ADAMTSL1: variants seen among roughly 807,000 people sequenced by gnomAD.
The protein encoded by ADAMTSL1 is ADAMTS-like protein 1.
Under a neutral mutation model 201.8 loss-of-function variants are expected in ADAMTSL1, and 126 were observed. The observed-to-expected ratio is 0.62, with a 90% CI of 0.54 to 0.72. ADAMTSL1 has a LOEUF of 0.72. ADAMTSL1 is among the 30% of genes least tolerant of loss of function. The pLI is 0.00. For missense variants in ADAMTSL1, 2,679 were observed against 2,277.8 expected (o/e 1.18, Z -3.59); for synonymous variants, 1,121 against 903.4 (o/e 1.24, Z -4.32).
chr9:18,818,598 C>G (rs1159502368), intron 21 of ADAMTSL1, among the ~76,000 whole-genome samples: 1 of 152,032 alleles, frequency 6.6e-6, no homozygotes, highest in Non-Finnish European at 1.5e-5. Context: ...TGAAGACCAG[C>G]CTAGGCAACA....
At chr9:18,828,660 TTATATATATATATA>T (rs1554643931) in intron 22 of ADAMTSL1, among the ~76,000 whole-genome samples, 2 of 28,532 alleles carry the variant, frequency 7.0e-5, no homozygotes, top group East Asian at 1.2e-3. Flanking sequence ...GAAAGTATAT[TTATATATATATATA>T]TATATATATA....
chr9:17,992,159 C>T (rs773273026), intron 1 of ADAMTSL1, among the ~76,000 whole-genome samples: 1 of 152,146 alleles, frequency 6.6e-6, no homozygotes, highest in Admixed American at 6.6e-5. Flanking sequence ...CCTTTTCCCA[C>T]ACCCCTGTCC....
chr9:17,927,522 A>G (rs1469152478), intron 1 of ADAMTSL1, among the ~76,000 whole-genome samples: 3 of 151,970 alleles, frequency 2.0e-5, no homozygotes, highest in East Asian at 3.9e-4. Flanking sequence ...GGCCCTCTGT[A>G]TCTATGGGAC....
intron 1 of ADAMTSL1, among the ~76,000 whole-genome samples, chr9:18,153,216 G>C (rs528568425): frequency 2.1e-4 from 32 of 152,068 alleles, no homozygotes; most frequent in African/African-American, 7.7e-4. Context: ...CCAAACAGGG[G>C]ATAGAGACAC....
chr9:18,212,057 A>G (rs1388701484), intron 2 of ADAMTSL1, among the ~76,000 whole-genome samples: 1 of 152,224 alleles, frequency 6.6e-6, no homozygotes, highest in Non-Finnish European at 1.5e-5. Flanking sequence ...AGTTAAGAGA[A>G]GAAACAAGTC....
chr9:18,276,841 A>G (rs1027864895), intron 2 of ADAMTSL1, among the ~76,000 whole-genome samples: 2 of 152,196 alleles, frequency 1.3e-5, no homozygotes, highest in African/African-American at 4.8e-5. Context: ...ACCCACCCCC[A>G]GGACCCAAAC....
intron 2 of ADAMTSL1, among the ~76,000 whole-genome samples, chr9:18,423,839 G>A (rs1819073657): frequency 6.6e-6 from 1 of 152,118 alleles, no homozygotes; most frequent in South Asian, 2.1e-4. Context: ...AAATAATTTG[G>A]AGATTTAAAA....
At chr9:18,166,310 C>T (rs772268100) in intron 2 of ADAMTSL1, among the ~76,000 whole-genome samples, 1 of 151,800 alleles carries the variant, frequency 6.6e-6, no homozygotes, top group Non-Finnish European at 1.5e-5. Flanking sequence ...AGAGAATAGT[C>T]GTGGTGAGAA....
At chr9:18,858,155 A>G (rs1302601688) in intron 23 of ADAMTSL1, among the ~76,000 whole-genome samples, 1 of 150,514 alleles carries the variant, frequency 6.6e-6, no homozygotes, top group Non-Finnish European at 1.5e-5. Flanking sequence ...CCTCCCTTGT[A>G]TGTCCAACTC....
chr9:17,983,822 C>T (rs1220427282), intron 1 of ADAMTSL1, among the ~76,000 whole-genome samples: 1 of 151,824 alleles, frequency 6.6e-6, no homozygotes, highest in Non-Finnish European at 1.5e-5. Flanking sequence ...AAAAAAAAAT[C>T]CAGCACATAA....
At chr9:18,241,557 A>G (rs1831062617) in intron 2 of ADAMTSL1, among the ~76,000 whole-genome samples, 2 of 152,206 alleles carry the variant, frequency 1.3e-5, no homozygotes, top group Non-Finnish European at 2.9e-5. Flanking sequence ...CTTTAAAAAA[A>G]AAATTTGTAT....
At chr9:17,928,594 A>C (rs888117701) in intron 1 of ADAMTSL1, among the ~76,000 whole-genome samples, 1 of 152,088 alleles carries the variant, frequency 6.6e-6, no homozygotes, top group African/African-American at 2.4e-5. Context: ...TTCCTCAACA[A>C]TCCAGGAGCA....
chr9:18,906,173 C>T (rs1012436915), intron 27 of ADAMTSL1, among the ~76,000 whole-genome samples: 1 of 152,194 alleles, frequency 6.6e-6, no homozygotes, highest in African/African-American at 2.4e-5. Flanking sequence ...GAGACCTGCA[C>T]TAGCCCCAGG....
rs553116205 is a variant in ADAMTSL1 at position 18,354,900 on chromosome 9, A to G, written c.208-149929A>G. ...GCAGGATAATTGCTTGGACCTGGGA[A>G]GCAGAGGTTGCAGTGAGCCAAGATT... is the stretch of plus-strand genomic sequence containing the variant. On this transcript the variant is annotated intron_variant, in intron 2 of 29. Coordinates refer to the ADAMTSL1 transcript ENST00000680146. 2.0e-5 allele frequency among the ~76,000 whole-genome samples: 3 copies of G among 152,248 alleles called. No individual in the cohort carries two copies. The South Asian group carries it at 6.2e-4, about 32-fold the overall frequency.
intron 1 of ADAMTSL1, among the ~76,000 whole-genome samples, chr9:17,949,337 G>C: frequency 6.6e-6 from 1 of 152,114 alleles, no homozygotes; most frequent in East Asian, 1.9e-4. Context: ...GATATGAAGG[G>C]CTTGCCTTGT....
intron 2 of ADAMTSL1, among the ~76,000 whole-genome samples, chr9:18,315,144 C>T (rs1295992725): frequency 6.6e-6 from 1 of 152,118 alleles, no homozygotes. Flanking sequence ...TCCTTTTTGA[C>T]AGGGTGCTGA....
At chr9:18,349,384 C>T (rs1835862314) in intron 2 of ADAMTSL1, among the ~76,000 whole-genome samples, 1 of 152,144 alleles carries the variant, frequency 6.6e-6, no homozygotes, top group African/African-American at 2.4e-5. Flanking sequence ...TAAGGAAGTT[C>T]AGGTGTCAGA....
chr9:17,959,508 G>C (rs1486924388), intron 1 of ADAMTSL1, among the ~76,000 whole-genome samples: 2 of 151,864 alleles, frequency 1.3e-5, no homozygotes, highest in African/African-American at 4.8e-5. Context: ...ACCCAGGCTG[G>C]AGTGCAGCAG....
At position 18,237,907 on chromosome 9, in the gene ADAMTSL1, G is replaced by A. The variant is rs183909041; in HGVS notation, c.207+73926G>A. Reference sequence around the variant, plus strand: ...AAAAATCATGATTATTCCTTGGTTCGTTCTTTGAACGTTTCGTGGACTAAG... The same window carrying A: ...AAAAATCATGATTATTCCTTGGTTCATTCTTTGAACGTTTCGTGGACTAAG... On this transcript the variant is annotated intron_variant, in intron 2 of 29. Transcript: ENST00000680146. Among the ~76,000 whole-genome samples the A allele has an allele frequency of 1.5e-3, 224 of 152,274 alleles. 1 individual carries two copies. Among genetic ancestry groups the A allele is most frequent in the Middle Eastern group, 6.8e-3 (2 of 294 alleles).
Sources: allele counts gnomAD v4.1 joint callset (sites outside exome capture counted in the v4.1 genomes callset), GRCh38; gene constraint gnomAD v4.1.1; transcripts MANE v1.5; gene names NCBI Gene and HGNC (gene_info 2026-07-23, HGNC 2026-07-21).